The following PTCHD1 variants were observed in gnomAD, a reference collection of about 807,000 sequenced individuals.
PTCHD1 encodes the protein patched domain-containing protein 1.
A neutral mutation model predicts 34.6 loss-of-function variants in PTCHD1; 3 were observed. The observed-to-expected ratio is 0.09, with a 90% CI of 0.04 to 0.22. PTCHD1 has a LOEUF of 0.22. Ranked by LOEUF, PTCHD1 falls within the 10% of genes least tolerant of loss-of-function variation. PTCHD1 has a pLI of 1.00. For synonymous variants in PTCHD1, 305 were observed against 283.1 expected (o/e 1.08, Z -0.77); for missense variants, 504 against 685.5 (o/e 0.74, Z 2.96).
At chrX:23,384,011 G>A (rs1025129830) in intron 2 of PTCHD1, among the ~76,000 whole-genome samples, 1 of 112,132 alleles carries the variant, frequency 8.9e-6, no homozygotes, top group Non-Finnish European at 1.9e-5. Context: ...GGTTTTCTGT[G>A]TGCAAGCTCT....
At chrX:23,373,219 G>A (rs192003112) in intron 1 of PTCHD1, among the ~76,000 whole-genome samples, 137 of 112,903 alleles carry the variant, frequency 1.2e-3, no homozygotes, top group Non-Finnish European at 3.4e-4. Context: ...TGTTTGGAGA[G>A]TTACAATAAG....
chrX:23,342,155 G>C (rs185247586), intron 1 of PTCHD1, among the ~76,000 whole-genome samples: 3 of 107,020 alleles, frequency 2.8e-5, no homozygotes, highest in Admixed American at 1.0e-4. Flanking sequence ...AGAAATCTCA[G>C]TTGTGGATAA....
rs966232288 is a variant in PTCHD1 at position 23,392,872 on chromosome X, G to A, written c.1354G>A (p.Glu452Lys). 8.3e-7 allele frequency: 1 copy of A among 1,211,898 alleles called. No individual in the cohort carries two copies. The highest frequency in any genetic ancestry group is 2.2e-5 in the Admixed American group (1 of 46,090). The change falls in exon 3 of 3, where the codon GAG (glutamate) becomes AAG (lysine). Residue 452 changes from glutamate to lysine, a missense_variant. Coordinates refer to ENST00000379361, the MANE Select transcript of PTCHD1 (RefSeq NM_173495.3). ...AGTCCCAAAGCCTGAGGCATTGCAG[G>A]AGAAGCCGGCATGGTACAGGTTTCT... ...RKVPKPEALQ[E>K]KPAWYRFLLT...
rs1194552358 is a variant in PTCHD1, at chrX:23,403,365, G to A, written c.*9180G>A. On this transcript the variant is annotated 3_prime_UTR_variant, in exon 3 of 3. Coordinates refer to ENST00000379361, the MANE Select transcript of PTCHD1 (RefSeq NM_173495.3). ...AATGCTAGAGCACATAATGAGTTCA[G>A]CTTGGTCAGTTTTGAGACAGATAAG... The A allele has an allele frequency of 8.9e-6, 1 of 111,928 alleles. No homozygotes were observed. The highest frequency in any genetic ancestry group is 3.2e-5 in the African/African-American group (1 of 30,798). 9.2% of individuals were successfully genotyped at this position (111,928 alleles called of 1,213,427 possible).
chrX:23,375,438 C>A (rs949960009), intron 1 of PTCHD1, among the ~76,000 whole-genome samples: 3 of 111,603 alleles, frequency 2.7e-5, no homozygotes, highest in Non-Finnish European at 3.8e-5. Context: ...AACAGGCGCA[C>A]ACACCACCAC....
In PTCHD1 at chrX:23,370,377, A is replaced by G. The variant is rs764726600; in HGVS notation, c.352-9214A>G. On this transcript the variant is annotated intron_variant, in intron 1 of 2. Transcript: ENST00000379361. ...TGCAAGCCGAGTCATAGAAACTATC[A>G]TAGTTTGACCTTTTGCCCTGTGAGA... Among the ~76,000 whole-genome samples, 4 of 111,997 alleles carry G rather than the reference A, an allele frequency of 3.6e-5. No individual in the cohort carries two copies. The South Asian group carries it at 1.5e-3, about 42-fold the overall frequency.
intron 1 of PTCHD1, among the ~76,000 whole-genome samples, chrX:23,342,300 ATATATATATAT>A (rs1374656533): frequency 6.8e-5 from 1 of 14,785 alleles, no homozygotes; most frequent in East Asian, 9.5e-4. Flanking sequence ...ATATATATAT[ATATATATATAT>A]TTTTTTTTTT....
intron 1 of PTCHD1, among the ~76,000 whole-genome samples, chrX:23,340,074 G>A (rs936798656): frequency 6.0e-4 from 67 of 111,972 alleles, no homozygotes; most frequent in Non-Finnish European, 1.1e-3. Context: ...GAGGCACAGC[G>A]TAGCCCCCAC....
At chrX:23,357,504 A>G (rs1470785571) in intron 1 of PTCHD1, among the ~76,000 whole-genome samples, 2 of 110,927 alleles carry the variant, frequency 1.8e-5, no homozygotes, top group African/African-American at 6.6e-5. Flanking sequence ...TGATCCCAAA[A>G]TTCCACCCAT....
At chrX:23,367,416 C>A (rs1401893475) in intron 1 of PTCHD1, among the ~76,000 whole-genome samples, 1 of 112,031 alleles carries the variant, frequency 8.9e-6, no homozygotes, top group Admixed American at 9.5e-5. Flanking sequence ...GATAGAATCA[C>A]CAGAGTGACA....
chrX:23,367,969 C>T (rs1024551119), intron 1 of PTCHD1, among the ~76,000 whole-genome samples: 4 of 110,690 alleles, frequency 3.6e-5, no homozygotes, highest in African/African-American at 1.3e-4. Context: ...GAAATTAACA[C>T]TGCCCTCTTG....
rs780434229 is a variant in PTCHD1, at chrX:23,379,788, G to A, written c.549G>A (p.Gly183=). The part of the protein sequence containing the change: ...ITYPITHLKD[G]RAVYNGHQLG... ...ACCCAATCACTCACTTAAAGGACGG[G>A]AGGGCTGTGTACAATGGGCACCAGC... Residue 183 remains glycine, a synonymous_variant, in exon 2 of 3, where the codon GGG becomes GGA. Transcript: ENST00000379361. 2.5e-6 allele frequency: 3 copies of A among 1,211,505 alleles called. No individual in the cohort carries two copies. The highest frequency in any genetic ancestry group is 2.2e-6 in the Non-Finnish European group (2 of 895,502).
chrX:23,379,585 C>G lies in PTCHD1; in HGVS notation c.352-6C>G. ...TAATAAATGCTGTCATTTTTTTCCCCCACAGTTGCATGCTGCTGTCACCAA... is the reference window on the plus strand; with the variant it reads ...TAATAAATGCTGTCATTTTTTTCCCGCACAGTTGCATGCTGCTGTCACCAA... On this transcript the variant is annotated splice_region_variant and splice_polypyrimidine_tract_variant and intron_variant, in intron 1 of 2. Transcript: ENST00000379361. 1 of 1,208,944 alleles carries G rather than the reference C, an allele frequency of 8.3e-7. No homozygotes were observed. Among genetic ancestry groups the G allele is most frequent in the Non-Finnish European group, 1.1e-6 (1 of 894,309 alleles).
At chrX:23,360,104 A>G (rs1321054060) in intron 1 of PTCHD1, among the ~76,000 whole-genome samples, 1 of 111,898 alleles carries the variant, frequency 8.9e-6, no homozygotes, top group Non-Finnish European at 1.9e-5. Context: ...ATTTACCTAA[A>G]TTCTCTTTTT....
At chrX:23,343,754 T>G (rs1323782234) in intron 1 of PTCHD1, among the ~76,000 whole-genome samples, 1 of 112,547 alleles carries the variant, frequency 8.9e-6, no homozygotes, top group Non-Finnish European at 1.9e-5. Context: ...AAGATAAAGA[T>G]TCCTTTACCC....
At chrX:23,386,184 C>G (rs1458787802) in intron 2 of PTCHD1, among the ~76,000 whole-genome samples, 1 of 111,571 alleles carries the variant, frequency 9.0e-6, no homozygotes, top group African/African-American at 3.3e-5. Context: ...CACATTTATA[C>G]TTATACACAC....
chrX:23,401,767 A>G lies in PTCHD1; in HGVS notation c.*7582A>G, dbSNP rs1923129391. The G allele has an allele frequency of 8.9e-6, 1 of 112,935 alleles. No homozygotes were observed. The highest frequency in any genetic ancestry group is 1.9e-5 in the Non-Finnish European group (1 of 53,387). 9.3% of individuals were successfully genotyped at this position (112,935 alleles called of 1,213,427 possible). On this transcript the variant is annotated 3_prime_UTR_variant, in exon 3 of 3. Coordinates refer to ENST00000379361, the MANE Select transcript of PTCHD1 (RefSeq NM_173495.3). ...AGGCTTCGGATGTCTGCAGGATACC[A>G]TTGAAAAAATGTTATCTTCCCCTTC...
chrX:23,373,042 C>T (rs1423095425), intron 1 of PTCHD1, among the ~76,000 whole-genome samples: 2 of 112,523 alleles, frequency 1.8e-5, no homozygotes, highest in African/African-American at 3.2e-5. Context: ...ACTGTACTGA[C>T]TGTCTTATCC....
At chrX:23,362,529 A>T (rs1256665428) in intron 1 of PTCHD1, among the ~76,000 whole-genome samples, 3 of 111,966 alleles carry the variant, frequency 2.7e-5, no homozygotes, top group South Asian at 3.8e-4. Flanking sequence ...CATTCATCTA[A>T]TCTTTTTTCA....
Sources: gnomAD v4.1 joint callset for allele counts (sites outside exome capture counted in the v4.1 genomes callset) on GRCh38, gnomAD v4.1.1 for gene constraint, MANE v1.5 for transcripts, NCBI Gene and HGNC (gene_info 2026-07-23, HGNC 2026-07-21) for gene names.